Variants in SMARCAD1 observed in about 807,000 individuals in gnomAD.
SMARCAD1 encodes the protein SNF2 related chromatin remodeling ATPase with DExD box 1.
SMARCAD1 carries 25 observed loss-of-function variants against 127.1 expected under a neutral mutation model. That is an observed-to-expected ratio of 0.20 (90% CI 0.14 to 0.27). The LOEUF (loss-of-function observed/expected upper bound fraction) is 0.27. Ranked by LOEUF, SMARCAD1 falls within the 10% of genes least tolerant of loss-of-function variation. The pLI, the probability that SMARCAD1 is intolerant of heterozygous loss-of-function variation, is 1.00. For synonymous variants in SMARCAD1, 400 were observed against 396.9 expected, an observed-to-expected ratio of 1.01 and a Z score of -0.09; for missense variants, 807 against 1,206.0, an observed-to-expected ratio of 0.67 and a Z score of 4.90.
intron 3 of SMARCAD1, among the ~76,000 whole-genome samples, chr4:94,228,222 T>G (rs1456494319): frequency 6.6e-6 from 1 of 152,130 alleles, no homozygotes; most frequent in African/African-American, 2.4e-5. Flanking sequence ...TGAGGAAAAT[T>G]GTCATATTTT....
At chr4:94,213,319 T>C (rs1742587960) in intron 2 of SMARCAD1, among the ~76,000 whole-genome samples, 2 of 152,188 alleles carry the variant, frequency 1.3e-5, no homozygotes, top group South Asian at 4.1e-4. Context: ...GAGTGGACTC[T>C]AAACAATGAA....
At chr4:94,234,150 AATG>A in intron 4 of SMARCAD1, 28 bp downstream of exon 4, 1 of 1,556,498 alleles carries the variant, frequency 6.4e-7, no homozygotes, top group Non-Finnish European at 8.7e-7. Context: ...TTGTAGCTGT[AATG>A]ATGATAAAAT....
chr4:94,223,567 C>T (rs1229979888), intron 2 of SMARCAD1, among the ~76,000 whole-genome samples: 2 of 150,462 alleles, frequency 1.3e-5, no homozygotes, highest in African/African-American at 4.9e-5. Flanking sequence ...ATAGCCTTTC[C>T]TTTTTCTTTT....
chr4:94,238,480 T>TA (rs901416474), intron 5 of SMARCAD1, among the ~76,000 whole-genome samples: 3 of 151,624 alleles, frequency 2.0e-5, no homozygotes, highest in African/African-American at 4.8e-5. Context: ...TCTGATGATT[T>TA]AAAAAAAAAG....
intron 2 of SMARCAD1, among the ~76,000 whole-genome samples, chr4:94,219,366 T>C (rs1743719426): frequency 6.6e-6 from 1 of 152,222 alleles, no homozygotes; most frequent in East Asian, 1.9e-4. Flanking sequence ...TGTGAATTCA[T>C]AATCTCCCAC....
intron 2 of SMARCAD1, among the ~76,000 whole-genome samples, chr4:94,219,027 G>T (rs1743661941): frequency 6.6e-6 from 1 of 152,100 alleles, no homozygotes; most frequent in Admixed American, 6.5e-5. Flanking sequence ...GGCCAGGCTA[G>T]TCTCGAACTC....
chr4:94,223,940 C>A (rs1224706527), intron 2 of SMARCAD1, among the ~76,000 whole-genome samples: 2 of 151,972 alleles, frequency 1.3e-5, no homozygotes, highest in Non-Finnish European at 2.9e-5. Flanking sequence ...GTTCAATTGA[C>A]AGGCATTAGC....
chr4:94,231,286 G>C (rs902704988), intron 3 of SMARCAD1, among the ~76,000 whole-genome samples: 1 of 152,186 alleles, frequency 6.6e-6, no homozygotes, highest in East Asian at 1.9e-4. Flanking sequence ...CTTATGAAGA[G>C]AGAAAAGATT....
At chr4:94,261,039 A>T (rs1418536662) in intron 9 of SMARCAD1, among the ~76,000 whole-genome samples, 2 of 152,166 alleles carry the variant, frequency 1.3e-5, no homozygotes, top group African/African-American at 4.8e-5. Flanking sequence ...AGAAAATATG[A>T]TAATGACAGA....
At position 94,266,328 on chromosome 4, in the gene SMARCAD1, C is replaced by A. The variant is rs966861326; in HGVS notation, c.1481+1422C>A. ...AATTTCTCTCTCAAAACCACATTCA[C>A]AAAGTCCTGTTACTTGTAAATAGTT... On this transcript the variant is annotated intron_variant, in intron 10 of 23. Coordinates refer to ENST00000354268, the MANE Select transcript of SMARCAD1 (RefSeq NM_020159.5). 2.0e-5 allele frequency among the ~76,000 whole-genome samples: 3 copies of A among 152,124 alleles called. No individual in the cohort carries two copies. The South Asian group carries it at 6.2e-4, about 31-fold the overall frequency.
intron 6 of SMARCAD1, chr4:94,248,636 GT>G: frequency 2.4e-6 from 1 of 418,184 alleles, no homozygotes; most frequent in Non-Finnish European, 4.8e-6. Context: ...GTTAGCTCTG[GT>G]TTAATTCTTC....
Position 94,290,623 on chromosome 4 carries a change from T to A in SMARCAD1, c.*1089T>A, listed in dbSNP as rs1338724119. ...GCCATTGTTCAATTCCAATTCAGTGTGAGTGACAAAGTGAAATTTAGAAGT... is the reference window on the plus strand; with the variant it reads ...GCCATTGTTCAATTCCAATTCAGTGAGAGTGACAAAGTGAAATTTAGAAGT... On this transcript the variant is annotated 3_prime_UTR_variant, in exon 24 of 24. Transcript: ENST00000354268. 2 of 454,248 alleles carry A rather than the reference T, an allele frequency of 4.4e-6. No homozygotes were observed. The highest frequency in any genetic ancestry group is 2.4e-5 in the Admixed American group (1 of 42,548). 28.1% of individuals were successfully genotyped at this position (454,248 alleles called of 1,614,324 possible). A position where few individuals can be genotyped will look rare whatever the true frequency, so the allele number is the denominator to read the frequency against.
chr4:94,262,355 C>T (rs1311303143), intron 9 of SMARCAD1, among the ~76,000 whole-genome samples: 1 of 152,178 alleles, frequency 6.6e-6, no homozygotes, highest in Non-Finnish European at 1.5e-5. Flanking sequence ...ACTCTTCATT[C>T]ATCTCCCCAC....
intron 2 of SMARCAD1, among the ~76,000 whole-genome samples, chr4:94,221,231 A>ATATAATATCATGAAATGTG (rs1744073555): frequency 6.6e-6 from 1 of 152,244 alleles, no homozygotes; most frequent in South Asian, 2.1e-4. Flanking sequence ...TAATTTTTTA[A>ATATAATATCATGAAATGTG]TATAATATCA....
chr4:94,219,321 T>C (rs945896785), intron 2 of SMARCAD1, among the ~76,000 whole-genome samples: 1 of 152,182 alleles, frequency 6.6e-6, no homozygotes, highest in African/African-American at 2.4e-5. Flanking sequence ...ATCACCTTTG[T>C]TTATGGATTA....
At chr4:94,246,327 G>A (rs975493207) in intron 6 of SMARCAD1, among the ~76,000 whole-genome samples, 1 of 151,810 alleles carries the variant, frequency 6.6e-6, no homozygotes, top group Non-Finnish European at 1.5e-5. Flanking sequence ...CACTGTGTTG[G>A]CCAGGCTGGT....
chr4:94,236,582 T>C (rs962257559), intron 4 of SMARCAD1, among the ~76,000 whole-genome samples: 2 of 152,036 alleles, frequency 1.3e-5, no homozygotes, highest in Middle Eastern at 3.2e-3. Flanking sequence ...CACACACACA[T>C]ACACAAACGT....
intron 19 of SMARCAD1, among the ~76,000 whole-genome samples, chr4:94,279,693 A>T (rs960153385): frequency 6.6e-6 from 1 of 152,154 alleles, no homozygotes; most frequent in Non-Finnish European, 1.5e-5. Flanking sequence ...CTGGCCCTTT[A>T]CAGGAACAGT....
rs748357777 is a variant in SMARCAD1 at position 94,274,760 on chromosome 4, T to C, written c.1695T>C (p.Asn565=). ...TAGATAACTGGTTAAGGGAAGTTAA[T>C]TTATGGTGCCCTACTTTGAAGGTCC... is the stretch of plus-strand genomic sequence containing the variant. ...STIDNWLREV[N]LWCPTLKVLC... Residue 565 remains asparagine (N), a synonymous_variant, in exon 13 of 24, where the codon AAT becomes AAC. Coordinates refer to ENST00000354268, the MANE Select transcript of SMARCAD1 (RefSeq NM_020159.5). 6.2e-6 allele frequency: 10 copies of C among 1,613,820 alleles called. No homozygotes were observed. The African/African-American group carries it at 1.3e-4, about 22-fold the overall frequency.
Sources: allele counts gnomAD v4.1 joint callset (sites outside exome capture counted in the v4.1 genomes callset), GRCh38; gene constraint gnomAD v4.1.1; transcripts MANE v1.5; gene names NCBI Gene and HGNC (gene_info 2026-07-23, HGNC 2026-07-21).